KCNT2: variants seen among roughly 807,000 people sequenced by gnomAD.
The protein encoded by KCNT2 is potassium channel subfamily T member 2.
In KCNT2, 67 loss-of-function variants were observed where a neutral mutation model predicts 153.8. That is an observed-to-expected ratio of 0.44 (90% CI 0.36 to 0.53). KCNT2 has a LOEUF of 0.53. Among genes scored for constraint, KCNT2 ranks in the 20% least tolerant of loss-of-function variants. The pLI, the probability that KCNT2 is intolerant of heterozygous loss-of-function variation, is 0.00. For synonymous variants in KCNT2, 500 were observed against 458.8 expected (o/e 1.09, Z -1.15); for missense variants, 975 against 1,354.8 (o/e 0.72, Z 4.40).
At chr1:196,400,729 A>G (rs73067655) in intron 12 of KCNT2, among the ~76,000 whole-genome samples, 7,811 of 151,874 alleles carry the variant, frequency 0.051, 673 homozygotes, top group African/African-American at 0.18. Flanking sequence ...AGAGGCCAGG[A>G]CGTCTATCAA....
intron 1 of KCNT2, among the ~76,000 whole-genome samples, chr1:196,534,348 A>G (rs1655292254): frequency 6.6e-6 from 1 of 152,176 alleles, no homozygotes; most frequent in Non-Finnish European, 1.5e-5. Flanking sequence ...GAAACTACAC[A>G]ATGGGCCAGG....
At chr1:196,281,066 T>C (rs1659046311) in intron 24 of KCNT2, 78 bp from the exon 25 acceptor site, 1 of 1,158,000 alleles carries the variant, frequency 8.6e-7, no homozygotes, top group East Asian at 2.5e-5. Flanking sequence ...TTTCTTTATT[T>C]GCTTATTTTT....
At chr1:196,392,893 C>T (rs1484859937) in intron 13 of KCNT2, among the ~76,000 whole-genome samples, 1 of 151,348 alleles carries the variant, frequency 6.6e-6, no homozygotes, top group African/African-American at 2.4e-5. Flanking sequence ...CTTTTAACTT[C>T]TTATTGTAAT....
intron 20 of KCNT2, among the ~76,000 whole-genome samples, chr1:196,316,507 T>C (rs186705059): frequency 1.3e-5 from 2 of 151,724 alleles, no homozygotes; most frequent in African/African-American, 4.8e-5. Context: ...TGTTTATTTT[T>C]AAATGTTTAT....
intron 13 of KCNT2, among the ~76,000 whole-genome samples, chr1:196,377,693 ATTGT>A (rs1669090496): frequency 6.6e-6 from 1 of 152,100 alleles, no homozygotes; most frequent in Non-Finnish European, 1.5e-5. Context: ...TAAGTAGTAC[ATTGT>A]TTGCTTGTGA....
chr1:196,310,711 T>C (rs1451714271), intron 21 of KCNT2, among the ~76,000 whole-genome samples: 1 of 151,916 alleles, frequency 6.6e-6, no homozygotes, highest in Non-Finnish European at 1.5e-5. Flanking sequence ...TTCTATGCTC[T>C]TATAGTTGTG....
intron 1 of KCNT2, among the ~76,000 whole-genome samples, chr1:196,556,967 G>A (rs1170455205): frequency 6.6e-6 from 1 of 151,196 alleles, no homozygotes; most frequent in Admixed American, 6.6e-5. Context: ...ATGGAAGGAT[G>A]GTTACTGGAT....
chr1:196,585,173 A>G (rs1475406001), intron 1 of KCNT2, among the ~76,000 whole-genome samples: 1 of 152,176 alleles, frequency 6.6e-6, no homozygotes, highest in African/African-American at 2.4e-5. Flanking sequence ...AAATGAAATA[A>G]TAAGCGCAAA....
At chr1:196,303,418 C>T (rs573063388) in intron 22 of KCNT2, among the ~76,000 whole-genome samples, 2 of 152,124 alleles carry the variant, frequency 1.3e-5, no homozygotes, top group South Asian at 4.1e-4. Context: ...TCTTCTTTTT[C>T]CCTAATGCAA....
intron 1 of KCNT2, among the ~76,000 whole-genome samples, chr1:196,515,486 G>A (rs1681973549): frequency 6.6e-6 from 1 of 152,112 alleles, no homozygotes; most frequent in African/African-American, 2.4e-5. Flanking sequence ...ACATTAACAA[G>A]GAAGATGTGT....
chr1:196,305,127 C>G (rs1661509843), intron 22 of KCNT2, 107 bp downstream of exon 22: 3 of 681,156 alleles, frequency 4.4e-6, no homozygotes, highest in Non-Finnish European at 5.2e-6. Flanking sequence ...AAATTCAAAA[C>G]AGCATTTTAG....
Position 196,228,243 on chromosome 1 carries a change from C to A in KCNT2, c.3389G>T (p.Arg1130Leu). 1 of 1,606,096 alleles carries A rather than the reference C, an allele frequency of 6.2e-7. No homozygotes were observed. The highest frequency in any genetic ancestry group is 1.7e-4 in the Middle Eastern group (1 of 6,038). Residue 1130 changes from arginine to leucine, a missense_variant, in exon 28 of 28, where the codon CGG (arginine) becomes CTG (leucine). By Grantham distance (102) the Arg-to-Leu change is moderately radical (BLOSUM62 -2). Coordinates refer to ENST00000294725, the MANE Select transcript of KCNT2 (RefSeq NM_198503.5). ...SICNVTGQDS[R>L]EETQL ...TTTTTATCAAAGTTGAGTTTCCTCC[C>A]GAGAATCTTGACCAGTGACATTGCA...
chr1:196,392,197 T>C (rs566004659), intron 13 of KCNT2, among the ~76,000 whole-genome samples: 1 of 151,326 alleles, frequency 6.6e-6, no homozygotes, highest in Non-Finnish European at 1.5e-5. Flanking sequence ...TGGTTTTTTT[T>C]AATTGTGTAA....
chr1:196,474,693 T>C (rs1678380416), intron 5 of KCNT2, among the ~76,000 whole-genome samples: 1 of 152,220 alleles, frequency 6.6e-6, no homozygotes, highest in African/African-American at 2.4e-5. Flanking sequence ...TTTTGTTTCC[T>C]TTTGATTTAA....
intron 27 of KCNT2, among the ~76,000 whole-genome samples, chr1:196,234,904 G>T (rs1469331258): frequency 6.6e-6 from 1 of 151,160 alleles, no homozygotes; most frequent in Non-Finnish European, 1.5e-5. Context: ...TAGTTACCCT[G>T]GGTAAACATC....
At chr1:196,477,150 T>A (rs1490543233) in intron 5 of KCNT2, among the ~76,000 whole-genome samples, 1 of 152,168 alleles carries the variant, frequency 6.6e-6, no homozygotes, top group Non-Finnish European at 1.5e-5. Context: ...AATTAGTGTT[T>A]TTTTTAAGAT....
chr1:196,587,762 T>C (rs1662866272), intron 1 of KCNT2, among the ~76,000 whole-genome samples: 2 of 152,058 alleles, frequency 1.3e-5, no homozygotes, highest in African/African-American at 2.4e-5. Context: ...ACCCAAACTC[T>C]TTGATATTTG....
chr1:196,419,208 G>C (rs1440027755), intron 12 of KCNT2, among the ~76,000 whole-genome samples: 1 of 147,582 alleles, frequency 6.8e-6, no homozygotes, highest in African/African-American at 2.5e-5. Context: ...TAAGTTTTAG[G>C]GTACATGTGC....
intron 26 of KCNT2, among the ~76,000 whole-genome samples, chr1:196,241,467 A>C (rs776950423): frequency 2.6e-5 from 4 of 152,076 alleles, no homozygotes; most frequent in Non-Finnish European, 5.9e-5. Flanking sequence ...TACTGAACTG[A>C]CCAGTATATT....
Sources: gnomAD v4.1 joint callset for allele counts (sites outside exome capture counted in the v4.1 genomes callset) on GRCh38, gnomAD v4.1.1 for gene constraint, MANE v1.5 for transcripts, NCBI Gene and HGNC (gene_info 2026-07-23, HGNC 2026-07-21) for gene names.